Variants in TMEM132D observed in about 807,000 individuals in gnomAD.
The protein encoded by TMEM132D is mature OL transmembrane protein.
In TMEM132D, 21 loss-of-function variants were observed where a neutral mutation model predicts 62.3. The observed-to-expected ratio is 0.34, with a 90% confidence interval of 0.24 to 0.49. The LOEUF (loss-of-function observed/expected upper bound fraction) is 0.49, where lower values mean the gene tolerates loss of function less well. Ranked by LOEUF, TMEM132D falls within the 20% of genes least tolerant of loss-of-function variation. TMEM132D has a pLI of 0.99. For synonymous variants in TMEM132D, 621 were observed against 575.6 expected (o/e 1.08, Z -1.13); for missense variants, 1,346 against 1,402.8 (o/e 0.96, Z 0.65).
At chr12:129,512,191 T>A (rs1875515799) in intron 3 of TMEM132D, among the ~76,000 whole-genome samples, 2 of 152,192 alleles carry the variant, frequency 1.3e-5, no homozygotes, top group Non-Finnish European at 2.9e-5. Flanking sequence ...CCCACTACTT[T>A]CTGAGTTTCA....
intron 1 of TMEM132D, among the ~76,000 whole-genome samples, chr12:129,891,991 A>C (rs1441997362): frequency 6.6e-6 from 1 of 152,256 alleles, no homozygotes; most frequent in Non-Finnish European, 1.5e-5. Context: ...AATTTGAAGT[A>C]GCTCACAAAA....
At chr12:129,515,244 G>A (rs908458697) in intron 3 of TMEM132D, among the ~76,000 whole-genome samples, 5 of 152,274 alleles carry the variant, frequency 3.3e-5, no homozygotes, top group African/African-American at 4.8e-5. Flanking sequence ...GTGTCTTGTT[G>A]CTGTCGGTAC....
rs1874092410 is a variant in TMEM132D at position 129,072,219 on chromosome 12, GACTGGAAAACAGACA to G, written c.*1641_*1655del. ...AGATACAGAGACAGACACACAGAGA[GACTGGAAAACAGACA>G]ACTGAAGAGCAGAGAGAGAGAGAAA... is the stretch of plus-strand genomic sequence containing the variant. On this transcript the variant is annotated 3_prime_UTR_variant, in exon 9 of 9. Transcript: ENST00000422113. 1 of 152,434 alleles carries G rather than the reference GACTGGAAAACAGACA, an allele frequency of 6.6e-6. No individual in the cohort carries two copies. Among genetic ancestry groups the G allele is most frequent in the African/African-American group, 2.4e-5 (1 of 41,434 alleles). The allele number at this position is 152,434 out of a possible 1,614,324, so 9.4% of individuals were successfully genotyped here. A position where few individuals can be genotyped will look rare whatever the true frequency, so the allele number is the denominator to read the frequency against.
At chr12:129,370,568 T>C (rs1870564846) in intron 3 of TMEM132D, among the ~76,000 whole-genome samples, 1 of 152,258 alleles carries the variant, frequency 6.6e-6, no homozygotes, top group Non-Finnish European at 1.5e-5. Context: ...CTCCAGATTT[T>C]ATATGAGTTC....
chr12:129,421,383 A>T (rs1872320462), intron 3 of TMEM132D, among the ~76,000 whole-genome samples: 3 of 152,180 alleles, frequency 2.0e-5, no homozygotes, highest in Admixed American at 2.0e-4. Flanking sequence ...ACACTAATCC[A>T]GTGGTTCTCA....
intron 5 of TMEM132D, among the ~76,000 whole-genome samples, chr12:129,154,984 A>T (rs1274999897): frequency 2.0e-5 from 3 of 152,244 alleles, no homozygotes; most frequent in African/African-American, 4.8e-5. Context: ...ATCAGGAAAC[A>T]TACTGTTGAC....
chr12:129,811,799 G>T (rs1872191752), intron 1 of TMEM132D, among the ~76,000 whole-genome samples: 1 of 151,608 alleles, frequency 6.6e-6, no homozygotes, highest in Non-Finnish European at 1.5e-5. Flanking sequence ...AGGAATGTGG[G>T]TGACTTTTAG....
intron 2 of TMEM132D, among the ~76,000 whole-genome samples, chr12:129,669,862 A>G (rs1880463875): frequency 6.6e-6 from 1 of 152,224 alleles, no homozygotes; most frequent in Non-Finnish European, 1.5e-5. Flanking sequence ...GTAAAACTAT[A>G]GATGAGGGTA....
chr12:129,900,303 CA>C (rs1255723453), intron 1 of TMEM132D, among the ~76,000 whole-genome samples: 1 of 152,116 alleles, frequency 6.6e-6, no homozygotes, highest in Non-Finnish European at 1.5e-5. Context: ...AGAATATTAC[CA>C]AGTATTAAAC....
intron 3 of TMEM132D, among the ~76,000 whole-genome samples, chr12:129,416,361 A>G (rs769765870): frequency 2.0e-5 from 3 of 152,052 alleles, no homozygotes; most frequent in Non-Finnish European, 4.4e-5. Context: ...TCTGTCTATT[A>G]TTGGTATATA....
At position 129,721,828 on chromosome 12, in the gene TMEM132D, G is replaced by A. The variant is rs141677248; in HGVS notation, c.80-21130C>T. On this transcript the variant is annotated intron_variant, in intron 1 of 8. Coordinates refer to ENST00000422113, the MANE Select transcript of TMEM132D (RefSeq NM_133448.3). ...TCCCATTAGAGAGCACATCCGGCCA[G>A]CCAGCTTCCAAGCGGGCTCTCCCAC... Among the ~76,000 whole-genome samples the A allele has an allele frequency of 3.5e-4, 54 of 152,308 alleles. No homozygotes were observed. In the East Asian group the frequency reaches 9.7e-3, roughly 27 times the overall value.
intron 4 of TMEM132D, among the ~76,000 whole-genome samples, chr12:129,241,457 CT>C (rs1188640314): frequency 5.9e-5 from 9 of 152,166 alleles, no homozygotes; most frequent in African/African-American, 2.2e-4. Flanking sequence ...GACCTGCTTT[CT>C]GATCTGTGTC....
chr12:129,740,607 T>C (rs146117348), intron 1 of TMEM132D, among the ~76,000 whole-genome samples: 29 of 152,292 alleles, frequency 1.9e-4, no homozygotes, highest in African/African-American at 5.1e-4. Context: ...AACCTAATCA[T>C]TGATGACTGA....
At chr12:129,393,101 T>A (rs1189646815) in intron 3 of TMEM132D, among the ~76,000 whole-genome samples, 1 of 152,240 alleles carries the variant, frequency 6.6e-6, no homozygotes, top group Non-Finnish European at 1.5e-5. Context: ...AAACAAGGCA[T>A]GTAATTAACA....
At chr12:129,150,900 C>T (rs12316965) in intron 5 of TMEM132D, among the ~76,000 whole-genome samples, 1,676 of 152,288 alleles carry the variant, frequency 0.011, 33 homozygotes, top group African/African-American at 0.038. Context: ...GTCTCCTGTC[C>T]GCCCCAACCC....
intron 3 of TMEM132D, among the ~76,000 whole-genome samples, chr12:129,421,822 T>C (rs1324469645): frequency 6.6e-6 from 1 of 152,232 alleles, no homozygotes; most frequent in African/African-American, 2.4e-5. Flanking sequence ...ATGGTAAAGA[T>C]AGACTCATAC....
intron 3 of TMEM132D, among the ~76,000 whole-genome samples, chr12:129,494,595 T>C (rs1008071252): frequency 1.3e-5 from 2 of 152,214 alleles, no homozygotes; most frequent in Admixed American, 1.3e-4. Context: ...TTTTCAGCTT[T>C]GATCATTGGC....
intron 2 of TMEM132D, among the ~76,000 whole-genome samples, chr12:129,591,014 AGAAAAGAAAG>A (rs1369107693): frequency 6.6e-6 from 1 of 152,224 alleles, no homozygotes; most frequent in Non-Finnish European, 1.5e-5. Context: ...TTATGGTGAG[AGAAAAGAAAG>A]AAAAAGAATA....
intron 2 of TMEM132D, among the ~76,000 whole-genome samples, chr12:129,568,024 GAA>G (rs1220867507): frequency 1.3e-5 from 2 of 152,188 alleles, no homozygotes; most frequent in East Asian, 1.9e-4. Context: ...TTTTAAAAAG[GAA>G]AAGAGTTTTC....
Sources: allele counts gnomAD v4.1 joint callset (sites outside exome capture counted in the v4.1 genomes callset), GRCh38; gene constraint gnomAD v4.1.1; transcripts MANE v1.5; gene names NCBI Gene and HGNC (gene_info 2026-07-23, HGNC 2026-07-21).